FAAH: variants seen among roughly 807,000 people sequenced by gnomAD.
The protein encoded by FAAH is fatty acid amide hydrolase.
Under a neutral mutation model 69.7 loss-of-function variants are expected in FAAH, and 63 were observed. That is an observed-to-expected ratio of 0.90 (90% CI 0.74 to 1.12). FAAH has a LOEUF of 1.12. Among genes scored for constraint, FAAH ranks in the 50% most tolerant of loss-of-function variants. The pLI is 0.00. For synonymous variants in FAAH, 305 were observed against 324.2 expected (o/e 0.94, Z 0.64); for missense variants, 680 against 755.0 (o/e 0.90, Z 1.16).
chr1:46,408,145 G>T (rs1467105977), intron 7 of FAAH, among the ~76,000 whole-genome samples: 2 of 152,162 alleles, frequency 1.3e-5, no homozygotes, highest in Non-Finnish European at 2.9e-5. Context: ...CAGAAGACAG[G>T]ATGCCTGCAT....
At chr1:46,409,029 C>A in intron 8 of FAAH, 72 bp from the exon 9 acceptor site, 2 of 1,291,528 alleles carry the variant, frequency 1.5e-6, no homozygotes, top group Non-Finnish European at 2.3e-6. Flanking sequence ...ATCCTCAGGG[C>A]CGCCCAGACA....
chr1:46,404,930 C>A lies in FAAH; in HGVS notation c.310-84C>A. ...CTCTCCCTGGGTATACTTTAAAAGG[C>A]CAGTTCTACATGATGTATATTTCAC... is the stretch of plus-strand genomic sequence containing the variant. On this transcript the variant is annotated intron_variant, in intron 2 of 14. Coordinates refer to ENST00000243167, the MANE Select transcript of FAAH (RefSeq NM_001441.3). The surrounding 1 kb of genome is among the most constrained non-coding windows in gnomAD (Gnocchi z 4.5). The A allele has an allele frequency of 6.3e-7, 1 of 1,590,068 alleles. No individual in the cohort carries two copies. Among genetic ancestry groups the A allele is most frequent in the Non-Finnish European group, 8.6e-7 (1 of 1,162,278 alleles).
chr1:46,407,249 G>A (rs1318339833), intron 7 of FAAH, among the ~76,000 whole-genome samples: 1 of 152,098 alleles, frequency 6.6e-6, no homozygotes, highest in African/African-American at 2.4e-5. Flanking sequence ...GGCAGGAAGG[G>A]TGGGGAGATC....
rs771061847 is a variant in FAAH at position 46,406,046 on chromosome 1, G to C, written c.794G>C (p.Gly265Ala). 6.2e-7 allele frequency: 1 copy of C among 1,614,198 alleles called. No individual in the cohort carries two copies. Among genetic ancestry groups the C allele is most frequent in the Non-Finnish European group, 8.5e-7 (1 of 1,180,034 alleles). ...KPTGNRLSKS[G>A]LKGCVYGQEA... ...TTATGTTTCTTATCCAGCAAGAGTGGCCTGAAGGGCTGTGTCTATGGACAG... is the reference window on the plus strand; with the variant it reads ...TTATGTTTCTTATCCAGCAAGAGTGCCCTGAAGGGCTGTGTCTATGGACAG... The change falls in exon 6 of 15, where the codon GGC becomes GCC. Residue 265 changes from glycine to alanine, a missense_variant. Physicochemically the swap from Gly to Ala is moderately conservative, Grantham distance 60 (BLOSUM62 0). Transcript: ENST00000243167.
At chr1:46,401,999 G>A (rs1664710735) in intron 1 of FAAH, 92 bp from the exon 2 acceptor site, 1 of 1,081,072 alleles carries the variant, frequency 9.3e-7, no homozygotes, top group South Asian at 1.3e-5. Context: ...GCTGGGCCAT[G>A]TCAGAGCTGC....
rs1557760537 is a variant in FAAH, at chr1:46,408,521, C to T, written c.1014C>T (p.Pro338=). The part of the protein sequence containing the change: ...GYYETDNYTM[P]SPAMRRAVLE... ...ATGAGACTGACAACTATACCATGCC[C>T]TCCCCGGCCATGAGGCGGGCCGTGC... The change falls in exon 8 of 15, where the codon CCC becomes CCT. Residue 338 remains proline (P), a synonymous_variant. Transcript: ENST00000243167. 6.2e-7 allele frequency: 1 copy of T among 1,614,194 alleles called. No homozygotes were observed. Among genetic ancestry groups the T allele is most frequent in the South Asian group, 1.1e-5 (1 of 91,086 alleles).
chr1:46,406,402 G>A (rs757035598), intron 7 of FAAH, 34 bp downstream of exon 7: 11 of 1,613,022 alleles, frequency 6.8e-6, no homozygotes, highest in South Asian at 3.3e-5. Flanking sequence ...AATGTGGACC[G>A]CTGAACCCAG....
intron 1 of FAAH, among the ~76,000 whole-genome samples, chr1:46,397,806 G>A (rs974138288): frequency 4.0e-5 from 6 of 150,748 alleles, no homozygotes; most frequent in Non-Finnish European, 7.4e-5. Context: ...CAGGTGATCC[G>A]CCCGCCTCGG....
chr1:46,398,848 CAAGGAGG>C (rs2148444803), intron 1 of FAAH, among the ~76,000 whole-genome samples: 1 of 152,246 alleles, frequency 6.6e-6, no homozygotes, highest in Admixed American at 6.5e-5. Context: ...TGGCTGTGTC[CAAGGAGG>C]ACACAGCTGG....
In FAAH at chr1:46,410,839, G is replaced by A; in HGVS notation, c.1301G>A (p.Ser434Asn). 2 of 1,614,198 alleles carry A rather than the reference G, an allele frequency of 1.2e-6. No homozygotes were observed. The highest frequency in any genetic ancestry group is 1.3e-5 in the African/African-American group (1 of 75,034). Residue 434 changes from serine (S) to asparagine (N), a missense_variant, in exon 11 of 15, where the codon AGC becomes AAC. Physicochemically the swap from Ser to Asn is conservative, Grantham distance 46 (BLOSUM62 1). Transcript: ENST00000243167. This position sits in a 1 kb window ranked among gnomAD's most constrained non-coding sequence, Gnocchi z 4.9. The stretch of plus-strand genomic sequence containing the variant: ...CTGCCAAGGCTGTCAGCTTTCCTCA[G>A]CAACATGAAGTCTCGGTAAGGGTTC... ...PLLPRLSAFL[S>N]NMKSRSAGKL...
Position 46,410,366 on chromosome 1 carries a change from G to T in FAAH, c.1176-32G>T. 6.4e-7 allele frequency: 1 copy of T among 1,566,878 alleles called. No individual in the cohort carries two copies. The highest frequency in any genetic ancestry group is 8.8e-7 in the Non-Finnish European group (1 of 1,136,956). On this transcript the variant is annotated intron_variant, in intron 9 of 14. Transcript: ENST00000243167. The surrounding 1 kb of genome is among the most constrained non-coding windows in gnomAD (Gnocchi z 4.9). Reference sequence around the variant, plus strand: ...GCAAGCTGGGAAGGATGTGGGGATGGGAGTGCCTGGACCGAGCATTTTGTT... The same window carrying T: ...GCAAGCTGGGAAGGATGTGGGGATGTGAGTGCCTGGACCGAGCATTTTGTT...
chr1:46,408,310 T>A, intron 7 of FAAH, 149 bp from the exon 8 acceptor site: 6 of 1,006,830 alleles, frequency 6.0e-6, no homozygotes, highest in Non-Finnish European at 9.3e-6. Context: ...GAAGGTGTTT[T>A]ATGAAAGGGT....
In FAAH at chr1:46,411,797, C is replaced by G; in HGVS notation, c.1356+146C>G. 1 of 907,658 alleles carries G rather than the reference C, an allele frequency of 1.1e-6. No homozygotes were observed. 56.2% of individuals were successfully genotyped at this position (907,658 alleles called of 1,614,324 possible). A position where few individuals can be genotyped will look rare whatever the true frequency, so the allele number is the denominator to read the frequency against. ...CCCCCTTCCACTCCCTGGACCACCACTTGGGCCCAGCTCTCTGACCCTTAC... is the reference window on the plus strand; with the variant it reads ...CCCCCTTCCACTCCCTGGACCACCAGTTGGGCCCAGCTCTCTGACCCTTAC... On this transcript the variant is annotated intron_variant, in intron 12 of 14. Transcript: ENST00000243167. This position sits in a 1 kb window ranked among gnomAD's most constrained non-coding sequence, Gnocchi z 4.8.
chr1:46,398,619 C>T (rs1472435066), intron 1 of FAAH, among the ~76,000 whole-genome samples: 4 of 151,728 alleles, frequency 2.6e-5, no homozygotes, highest in Admixed American at 1.3e-4. Context: ...CTGCAACCTC[C>T]GCCTCCCGGG....
chr1:46,409,369 A>T, intron 9 of FAAH, 171 bp downstream of exon 9: 1 of 655,600 alleles, frequency 1.5e-6, no homozygotes, highest in Non-Finnish European at 2.8e-6. Flanking sequence ...GAGCCTGGAG[A>T]TCCCTTGCCA....
chr1:46,408,420 TCTC>T (rs1445445317), intron 7 of FAAH, 36 bp from the exon 8 acceptor site: 2 of 1,613,956 alleles, frequency 1.2e-6, no homozygotes, highest in South Asian at 2.2e-5. Context: ...AGGGTTGTCT[TCTC>T]CTGACCTGCC....
Position 46,405,452 on chromosome 1 carries a change from G to C in FAAH, c.525G>C (p.Lys175Asn). The change falls in exon 4 of 15, where the codon AAG becomes AAC. Residue 175 changes from lysine (K) to asparagine (N), a missense_variant. Physicochemically the swap from Lys to Asn is moderately conservative, Grantham distance 94. Transcript: ENST00000243167. The surrounding 1 kb of genome is among the most constrained non-coding windows in gnomAD (Gnocchi z 4.1). ...ACAGCGTAGTGGTGCATGTGCTGAA[G>C]CTGCAGGGTGCCGTGCCCTTCGTGC... ...ECDSVVVHVL[K>N]LQGAVPFVHT... The C allele has an allele frequency of 6.2e-7, 1 of 1,613,298 alleles. No homozygotes were observed. The highest frequency in any genetic ancestry group is 8.5e-7 in the Non-Finnish European group (1 of 1,179,972).
chr1:46,411,566 C>A lies in FAAH; in HGVS notation c.1317-46C>A. The A allele has an allele frequency of 6.2e-7, 1 of 1,610,074 alleles. No homozygotes were observed. Among genetic ancestry groups the A allele is most frequent in the East Asian group, 2.2e-5 (1 of 44,760 alleles). Reference sequence around the variant, plus strand: ...GTAGGGGTCTGATGTTGCTGATCTCCGTGGCTGTGACCATCATGGCTGGTG... The same window carrying A: ...GTAGGGGTCTGATGTTGCTGATCTCAGTGGCTGTGACCATCATGGCTGGTG... On this transcript the variant is annotated intron_variant, in intron 11 of 14. Coordinates refer to ENST00000243167, the MANE Select transcript of FAAH (RefSeq NM_001441.3). The surrounding 1 kb of genome is among the most constrained non-coding windows in gnomAD (Gnocchi z 4.8).
chr1:46,400,662 A>G lies in FAAH; in HGVS notation c.196-1429A>G, dbSNP rs143017959. ...AAAGTCGGGCAGGTGATGAGCTTAG[A>G]GGAAGGACAGGGAAGGTGGACAGGT... On this transcript the variant is annotated intron_variant, in intron 1 of 14. Transcript: ENST00000243167. 5.1e-4 allele frequency among the ~76,000 whole-genome samples: 76 copies of G among 149,056 alleles called. 1 individual carries two copies. In the South Asian group the frequency reaches 0.013, roughly 25 times the overall value.
Sources: gnomAD v4.1 joint callset for allele counts (sites outside exome capture counted in the v4.1 genomes callset) on GRCh38, gnomAD v4.1.1 for gene constraint, Gnocchi (gnomAD v3.1) non-coding constraint, MANE v1.5 for transcripts, NCBI Gene and HGNC (gene_info 2026-07-23, HGNC 2026-07-21) for gene names.